The following NRXN1 variants were observed in gnomAD, a reference collection of about 807,000 sequenced individuals.
The protein encoded by NRXN1 is neurexin 1.
NRXN1 carries 39 observed loss-of-function variants against 150.9 expected under a neutral mutation model. The observed-to-expected ratio is 0.26, with a 90% CI of 0.20 to 0.34. The LOEUF (loss-of-function observed/expected upper bound fraction) is 0.34, where lower values mean the gene tolerates loss of function less well. NRXN1 is among the 10% of genes least tolerant of loss of function. The pLI is 1.00. For missense variants in NRXN1, 1,815 were observed against 1,949.9 expected (o/e 0.93, Z 1.30); for synonymous variants, 924 against 757.0 (o/e 1.22, Z -3.62).
chr2:50,494,178 C>T (rs1332594144), intron 15 of NRXN1, among the ~76,000 whole-genome samples: 1 of 152,182 alleles, frequency 6.6e-6, no homozygotes, highest in Non-Finnish European at 1.5e-5. Context: ...CTTCTCTGGA[C>T]CCTCAATGTG....
intron 17 of NRXN1, among the ~76,000 whole-genome samples, chr2:50,335,089 A>T (rs150284878): frequency 6.6e-6 from 1 of 152,196 alleles, no homozygotes; most frequent in Non-Finnish European, 1.5e-5. Context: ...ACTAGCATGA[A>T]ATTTTGTCTA....
chr2:50,606,019 C>T (rs1040247432), intron 8 of NRXN1, among the ~76,000 whole-genome samples: 4 of 151,918 alleles, frequency 2.6e-5, no homozygotes, highest in Non-Finnish European at 4.4e-5. Context: ...GAGGCCAAGG[C>T]AGGCAGATCG....
intron 2 of NRXN1, among the ~76,000 whole-genome samples, chr2:50,972,100 T>A (rs751404855): frequency 2.7e-5 from 4 of 148,302 alleles, no homozygotes; most frequent in South Asian, 2.2e-4. Context: ...AAAAAAAAAA[T>A]TATTTGCTGT....
At chr2:50,772,055 A>C (rs1197370753) in intron 5 of NRXN1, among the ~76,000 whole-genome samples, 1 of 152,084 alleles carries the variant, frequency 6.6e-6, no homozygotes, top group Non-Finnish European at 1.5e-5. Flanking sequence ...ATGCAATAGA[A>C]ATACCAGGTG....
At chr2:50,679,340 C>T (rs1200299092) in intron 5 of NRXN1, among the ~76,000 whole-genome samples, 1 of 152,080 alleles carries the variant, frequency 6.6e-6, no homozygotes. Context: ...AGCCAGCAGA[C>T]AAACAGGCTA....
At chr2:50,694,157 G>C (rs1352462227) in intron 5 of NRXN1, among the ~76,000 whole-genome samples, 1 of 152,068 alleles carries the variant, frequency 6.6e-6, no homozygotes, top group South Asian at 2.1e-4. Flanking sequence ...ATGTTTAATG[G>C]CATTTTAAAA....
At chr2:50,890,824 T>C (rs1680934484) in intron 5 of NRXN1, among the ~76,000 whole-genome samples, 1 of 151,992 alleles carries the variant, frequency 6.6e-6, no homozygotes, top group Non-Finnish European at 1.5e-5. Context: ...GTGAAACAAC[T>C]GTATTTGTTT....
intron 5 of NRXN1, among the ~76,000 whole-genome samples, chr2:50,770,129 T>C (rs1016013168): frequency 3.3e-5 from 5 of 152,046 alleles, no homozygotes; most frequent in Non-Finnish European, 5.9e-5. Context: ...TGAACAAGAT[T>C]TGTCAGGGAA....
intron 18 of NRXN1, among the ~76,000 whole-genome samples, chr2:50,112,776 A>G (rs943237798): frequency 6.6e-6 from 1 of 152,208 alleles, no homozygotes; most frequent in African/African-American, 2.4e-5. Flanking sequence ...TCAAGGAAGA[A>G]TTACATAAGA....
intron 17 of NRXN1, among the ~76,000 whole-genome samples, chr2:50,254,542 A>G (rs765890331): frequency 2.0e-5 from 3 of 151,670 alleles, no homozygotes; most frequent in Non-Finnish European, 4.4e-5. Context: ...GCATTTTTAT[A>G]TGAGTATTTA....
intron 2 of NRXN1, among the ~76,000 whole-genome samples, chr2:50,973,792 G>T (rs1023429909): frequency 5.3e-5 from 8 of 151,982 alleles, no homozygotes; most frequent in African/African-American, 1.9e-4. Flanking sequence ...TTTTATAATT[G>T]TAGCTTCATA....
At chr2:50,283,056 T>A (rs1289442188) in intron 17 of NRXN1, among the ~76,000 whole-genome samples, 1 of 152,192 alleles carries the variant, frequency 6.6e-6, no homozygotes, top group Non-Finnish European at 1.5e-5. Context: ...TTGAGACTTG[T>A]AAGCTCTGTG....
chr2:50,112,262 T>C (rs373226476), intron 18 of NRXN1, among the ~76,000 whole-genome samples: 52 of 152,328 alleles, frequency 3.4e-4, no homozygotes, highest in African/African-American at 9.1e-4. Context: ...CAAAACACTT[T>C]ATCTTGGGCT....
At chr2:50,119,162 C>G (rs1005125741) in intron 18 of NRXN1, among the ~76,000 whole-genome samples, 3 of 152,130 alleles carry the variant, frequency 2.0e-5, no homozygotes, top group South Asian at 2.1e-4. Flanking sequence ...CTGACATAGC[C>G]ACTGCATCAA....
At chr2:50,785,847 G>A (rs1260834946) in intron 5 of NRXN1, among the ~76,000 whole-genome samples, 1 of 152,032 alleles carries the variant, frequency 6.6e-6, no homozygotes, top group Non-Finnish European at 1.5e-5. Context: ...CTAGAGTTGT[G>A]ATTGGATCAG....
At chr2:49,989,418 C>G (rs1164079521) in intron 21 of NRXN1, among the ~76,000 whole-genome samples, 1 of 152,182 alleles carries the variant, frequency 6.6e-6, no homozygotes, top group African/African-American at 2.4e-5. Context: ...GTGAATTCAT[C>G]TTCTATTTGA....
At chr2:50,431,140 C>T (rs184536569) in intron 17 of NRXN1, among the ~76,000 whole-genome samples, 35 of 152,288 alleles carry the variant, frequency 2.3e-4, no homozygotes, top group African/African-American at 8.2e-4. Context: ...CTTCTTCAAA[C>T]ATTATCTCTG....
chr2:50,651,592 A>C (rs1040688419), intron 5 of NRXN1, among the ~76,000 whole-genome samples: 4 of 152,040 alleles, frequency 2.6e-5, no homozygotes, highest in African/African-American at 9.7e-5. Context: ...GAGGAGATGG[A>C]GGCTGCAGCG....
chr2:50,613,805 A>G (rs897238030), intron 8 of NRXN1, among the ~76,000 whole-genome samples: 4 of 151,992 alleles, frequency 2.6e-5, no homozygotes, highest in Non-Finnish European at 4.4e-5. Flanking sequence ...GGGCATGGTG[A>G]CGGGCACTTG....
Sources: allele counts gnomAD v4.1 joint callset (sites outside exome capture counted in the v4.1 genomes callset), GRCh38; gene constraint gnomAD v4.1.1; transcripts MANE v1.5; gene names NCBI Gene and HGNC (gene_info 2026-07-23, HGNC 2026-07-21).